AMER1: variants seen among roughly 807,000 people sequenced by gnomAD.
The protein encoded by AMER1 is RP11-403E24.2.
AMER1 carries 16 observed loss-of-function variants against 53.0 expected under a neutral mutation model. That is an observed-to-expected ratio of 0.30 (90% CI 0.20 to 0.46). The LOEUF (loss-of-function observed/expected upper bound fraction) is 0.46, where lower values mean the gene tolerates loss of function less well. AMER1 is among the 20% of genes least tolerant of loss of function. AMER1 has a pLI of 1.00. For synonymous variants in AMER1, 354 were observed against 331.9 expected, an observed-to-expected ratio of 1.07 and a Z score of -0.73; for missense variants, 947 against 884.9, an observed-to-expected ratio of 1.07 and a Z score of -0.89.
rs1251729749 is a variant in AMER1, at chrX:64,188,743, C to T, written c.*1136G>A. On this transcript the variant is annotated 3_prime_UTR_variant, in exon 2 of 2. Transcript: ENST00000374869. ...CTTAAGCTCTGCATGGTCTGAAATC[C>T]CCTTTCTTGCTGGCTGTGATAAATG... 7 of 799,331 alleles carry T rather than the reference C, an allele frequency of 8.8e-6. No homozygotes were observed. In the East Asian group the frequency reaches 5.1e-4, roughly 58 times the overall value. The allele number at this position is 799,331 out of a possible 1,213,427, so 65.9% of individuals were successfully genotyped here.
rs757691150 is a variant in AMER1, at chrX:64,196,447, C to T, written c.-98-3063G>A. Among the ~76,000 whole-genome samples, 131 of 112,057 alleles carry T rather than the reference C, an allele frequency of 1.2e-3. 1 individual carries two copies. The Admixed American group carries it at 0.012, about 10-fold the overall frequency. ...GTGCAAATGAGAAAGACTGTCATTA[C>T]AGTTATTATTACTCCTTCCAGGTCA... On this transcript the variant is annotated intron_variant, in intron 1 of 1. Coordinates refer to ENST00000374869, the MANE Select transcript of AMER1 (RefSeq NM_152424.4).
chrX:64,192,420 T>A lies in AMER1; in HGVS notation c.867A>T (p.Thr289=), dbSNP rs2147089574. Residue 289 remains threonine (T), a synonymous_variant, in exon 2 of 2, where the codon ACA becomes ACT. Transcript: ENST00000374869. Reference sequence around the variant, plus strand: ...CCTCTCCTGCTACTACCTTCTCCCCTGTTTCTGGGCTATGGGGCTCCTCTA... The same window carrying A: ...CCTCTCCTGCTACTACCTTCTCCCCAGTTTCTGGGCTATGGGGCTCCTCTA... The part of the protein sequence containing the change: ...SSLEEPHSPE[T]GEKVVAGEVN... The A allele has an allele frequency of 4.1e-6, 5 of 1,210,702 alleles. No individual in the cohort carries two copies. Among genetic ancestry groups the A allele is most frequent in the African/African-American group, 1.7e-5 (1 of 58,022 alleles).
In AMER1 at chrX:64,188,911, GA is replaced by G; in HGVS notation, c.*967del. The stretch of plus-strand genomic sequence containing the variant: ...GAGATTATGAAAATTTCCTTTAGAG[GA>G]AAAAAGAACAAAAATTCAAAAGCAT... On this transcript the variant is annotated 3_prime_UTR_variant, in exon 2 of 2. Transcript: ENST00000374869. 1 of 806,841 alleles carries G rather than the reference GA, an allele frequency of 1.2e-6. No homozygotes were observed. Among genetic ancestry groups the G allele is most frequent in the Non-Finnish European group, 1.5e-6 (1 of 671,904 alleles). 66.5% of individuals were successfully genotyped at this position (806,841 alleles called of 1,213,427 possible). A position where few individuals can be genotyped will look rare whatever the true frequency, so the allele number is the denominator to read the frequency against.
At position 64,190,458 on chromosome X, in the gene AMER1, G is replaced by A. The variant is rs2147085202; in HGVS notation, c.2829C>T (p.Asp943=). The change falls in exon 2 of 2, where the codon GAC becomes GAT. Residue 943 remains aspartate (D), a synonymous_variant. Transcript: ENST00000374869. ...GTTCAGTATAGAGGGAAAGGGGACTGTCTCGGCTCCATTCTCCTTCTTCCT... is the reference window on the plus strand; with the variant it reads ...GTTCAGTATAGAGGGAAAGGGGACTATCTCGGCTCCATTCTCCTTCTTCCT... ...EEEEEGEWSR[D]SPLSLYTEPP... The A allele has an allele frequency of 8.3e-7, 1 of 1,211,975 alleles. No individual in the cohort carries two copies. Among genetic ancestry groups the A allele is most frequent in the Admixed American group, 2.2e-5 (1 of 46,098 alleles).
chrX:64,191,353 G>A lies in AMER1; in HGVS notation c.1934C>T (p.Ala645Val), dbSNP rs768580323. 8.3e-7 allele frequency: 1 copy of A among 1,211,862 alleles called. No homozygotes were observed. ...CRETQVRETQARQEKPVLEYQ... is the reference protein window; with the variant it reads ...CRETQVRETQVRQEKPVLEYQ... ...CTCTAAGACGGGCTTCTCCTGCCGG[G>A]CCTGGGTCTCTCGGACTTGAGTCTC... The change falls in exon 2 of 2, where the codon GCC (alanine) becomes GTC (valine). Residue 645 changes from alanine (A) to valine (V), a missense_variant. Ala to Val is a moderately conservative substitution (Grantham distance 64). Coordinates refer to ENST00000374869, the MANE Select transcript of AMER1 (RefSeq NM_152424.4).
chrX:64,196,498 G>T (rs62611782), intron 1 of AMER1, among the ~76,000 whole-genome samples: 7,802 of 111,951 alleles, frequency 0.07, 309 homozygotes, highest in Non-Finnish European at 0.11. Flanking sequence ...GGAAGCAACT[G>T]ACCATGTGTT....
rs989599962 is a variant in AMER1 at position 64,186,010 on chromosome X, G to A, written c.*3869C>T. On this transcript the variant is annotated 3_prime_UTR_variant, in exon 2 of 2. Transcript: ENST00000374869. The stretch of plus-strand genomic sequence containing the variant: ...TCAAAACTAAAGCACAAAACATAAC[G>A]AGGAAAAAAAATAAGACACATGAGT... 2.2e-5 allele frequency: 16 copies of A among 725,111 alleles called. No individual in the cohort carries two copies. The highest frequency in any genetic ancestry group is 7.1e-5 in the East Asian group (2 of 28,201). The allele number at this position is 725,111 out of a possible 1,213,427, so 59.8% of individuals were successfully genotyped here.
Position 64,186,325 on chromosome X carries a change from G to C in AMER1, c.*3554C>G. The C allele has an allele frequency of 9.9e-7, 1 of 1,005,733 alleles. No individual in the cohort carries two copies. The allele number at this position is 1,005,733 out of a possible 1,213,427, so 82.9% of individuals were successfully genotyped here. On this transcript the variant is annotated 3_prime_UTR_variant, in exon 2 of 2. Transcript: ENST00000374869. ...TGTCATCTTTGTTTTGTTTAAAACT[G>C]TAAACAGCACCGCTTAAAAATAAAT...
Position 64,187,179 on chromosome X carries a change from C to T in AMER1, c.*2700G>A. The T allele has an allele frequency of 1.3e-6, 1 of 786,494 alleles. No homozygotes were observed. Among genetic ancestry groups the T allele is most frequent in the Non-Finnish European group, 1.5e-6 (1 of 658,609 alleles). 64.8% of individuals were successfully genotyped at this position (786,494 alleles called of 1,213,427 possible). ...CCAATGTCACCCTGTGCTGTCAACA[C>T]CATGGGTCCCCAGACAGGTCTTCCT... On this transcript the variant is annotated 3_prime_UTR_variant, in exon 2 of 2. Coordinates refer to ENST00000374869, the MANE Select transcript of AMER1 (RefSeq NM_152424.4).
At chrX:64,198,517 A>G (rs988849333) in intron 1 of AMER1, among the ~76,000 whole-genome samples, 6 of 111,614 alleles carry the variant, frequency 5.4e-5, no homozygotes, top group African/African-American at 1.3e-4. Context: ...TTGAGTCTCA[A>G]TTTCATGCCA....
At position 64,192,912 on chromosome X, in the gene AMER1, G is replaced by A. The variant is rs2147090686; in HGVS notation, c.375C>T (p.Cys125=). ...GGGCACTCTGAGAGCTGGGAAATTG[G>A]CAGGGTAACTCAGGCAAAGGCAGGG... ...GFSLPLPELP[C]QFPSSQSAHG... Residue 125 remains cysteine, a synonymous_variant, in exon 2 of 2, where the codon TGC becomes TGT. Coordinates refer to ENST00000374869, the MANE Select transcript of AMER1 (RefSeq NM_152424.4). The A allele has an allele frequency of 8.3e-7, 1 of 1,211,800 alleles. No individual in the cohort carries two copies.
rs1216174862 is a variant in AMER1 at position 64,192,384 on chromosome X, G to C, written c.903C>G (p.Pro301=). Residue 301 remains proline (P), a synonymous_variant, in exon 2 of 2, where the codon CCC becomes CCG. Coordinates refer to ENST00000374869, the MANE Select transcript of AMER1 (RefSeq NM_152424.4). The stretch of plus-strand genomic sequence containing the variant: ...TCAGTGGGTCCCCCACAGGGCCATT[G>C]GGTGGGTTTACCTCTCCTGCTACTA... The part of the protein sequence containing the change: ...EKVVAGEVNP[P]NGPVGDPLSL... 8.2e-7 allele frequency: 1 copy of C among 1,212,385 alleles called. No individual in the cohort carries two copies. Among genetic ancestry groups the C allele is most frequent in the Non-Finnish European group, 1.1e-6 (1 of 895,610 alleles).
chrX:64,189,218 G>A lies in AMER1; in HGVS notation c.*661C>T, dbSNP rs1418200728. 1.3e-6 allele frequency: 1 copy of A among 796,464 alleles called. No individual in the cohort carries two copies. Among genetic ancestry groups the A allele is most frequent in the East Asian group, 7.4e-5 (1 of 13,537 alleles). 65.6% of individuals were successfully genotyped at this position (796,464 alleles called of 1,213,427 possible). ...CTCTCTAAGGACAGCTAGCTGGGAT[G>A]AATAGCTTATAGTCATCTGATATAA... On this transcript the variant is annotated 3_prime_UTR_variant, in exon 2 of 2. Transcript: ENST00000374869.
chrX:64,186,217 C>A lies in AMER1; in HGVS notation c.*3662G>T. Reference sequence around the variant, plus strand: ...GGGGGAGGGAACGGACAGTGTGGTACAGCTAAGGTAGGGAGAGGGGAAAGA... The same window carrying A: ...GGGGGAGGGAACGGACAGTGTGGTAAAGCTAAGGTAGGGAGAGGGGAAAGA... On this transcript the variant is annotated 3_prime_UTR_variant, in exon 2 of 2. Transcript: ENST00000374869. The A allele has an allele frequency of 3.4e-6, 4 of 1,191,931 alleles. No individual in the cohort carries two copies. The highest frequency in any genetic ancestry group is 4.5e-6 in the Non-Finnish European group (4 of 882,846).
chrX:64,196,633 C>T (rs1371961147), intron 1 of AMER1, among the ~76,000 whole-genome samples: 1 of 111,602 alleles, frequency 9.0e-6, no homozygotes, highest in Non-Finnish European at 1.9e-5. Context: ...ATACAAACTC[C>T]TCTGCTAAGA....
rs1238048440 is a variant in AMER1, at chrX:64,204,381, C to T, written c.-99+1189G>A. On this transcript the variant is annotated intron_variant, in intron 1 of 1. Coordinates refer to ENST00000374869, the MANE Select transcript of AMER1 (RefSeq NM_152424.4). ...CCAAACGGAGACCAGCTCTGCGGGG[C>T]CAGTCCAGCTGCCGCCTAGGCGCTT... Among the ~76,000 whole-genome samples the T allele has an allele frequency of 3.5e-5, 4 of 114,085 alleles. No homozygotes were observed. The South Asian group carries it at 1.0e-3, about 30-fold the overall frequency.
chrX:64,191,337 G>C lies in AMER1; in HGVS notation c.1950C>G (p.Pro650=), dbSNP rs752232441. 2 of 1,211,556 alleles carry C rather than the reference G, an allele frequency of 1.7e-6. No homozygotes were observed. Among genetic ancestry groups the C allele is most frequent in the Non-Finnish European group, 2.2e-6 (2 of 895,436 alleles). The part of the protein sequence containing the change: ...VRETQARQEK[P]VLEYQMRPLG... The stretch of plus-strand genomic sequence containing the variant: ...AGGGCCTCATCTGATACTCTAAGAC[G>C]GGCTTCTCCTGCCGGGCCTGGGTCT... Residue 650 remains proline (P), a synonymous_variant, in exon 2 of 2, where the codon CCC becomes CCG. Transcript: ENST00000374869.
Position 64,191,159 on chromosome X carries a change from A to G in AMER1, c.2128T>C (p.Ser710Pro). ...PLEKRYEGTC[S>P]KKDQSTCLMQ... ...AGGCAGGTACTTTGATCTTTCTTGGAGCAGGTTCCTTCATAACGCTTCTCC... is the reference window on the plus strand; with the variant it reads ...AGGCAGGTACTTTGATCTTTCTTGGGGCAGGTTCCTTCATAACGCTTCTCC... Residue 710 changes from serine (S) to proline (P), a missense_variant, in exon 2 of 2, where the codon TCC (serine) becomes CCC (proline). By Grantham distance (74) the Ser-to-Pro change is moderately conservative (BLOSUM62 -1). Transcript: ENST00000374869. 1 of 1,211,985 alleles carries G rather than the reference A, an allele frequency of 8.3e-7. No homozygotes were observed. Among genetic ancestry groups the G allele is most frequent in the Non-Finnish European group, 1.1e-6 (1 of 895,581 alleles).
chrX:64,191,153 T>C lies in AMER1; in HGVS notation c.2134A>G (p.Lys712Glu), dbSNP rs2147086727. The change falls in exon 2 of 2, where the codon AAA (lysine) becomes GAA (glutamate). Residue 712 changes from lysine to glutamate, a missense_variant. By Grantham distance (56) the Lys-to-Glu change is moderately conservative. Coordinates refer to ENST00000374869, the MANE Select transcript of AMER1 (RefSeq NM_152424.4). ...TGCATCAGGCAGGTACTTTGATCTT[T>C]CTTGGAGCAGGTTCCTTCATAACGC... ...EKRYEGTCSK[K>E]DQSTCLMQLF... The C allele has an allele frequency of 8.2e-7, 1 of 1,212,194 alleles. No homozygotes were observed. Among genetic ancestry groups the C allele is most frequent in the Non-Finnish European group, 1.1e-6 (1 of 895,641 alleles).
Sources: gnomAD v4.1 joint callset for allele counts (sites outside exome capture counted in the v4.1 genomes callset) on GRCh38, gnomAD v4.1.1 for gene constraint, MANE v1.5 for transcripts, NCBI Gene and HGNC (gene_info 2026-07-23, HGNC 2026-07-21) for gene names.